Variants in CFHR1 observed in about 807,000 individuals in gnomAD.
CFHR1 encodes the protein complement factor H-related protein 1.
CFHR1 carries 22 observed loss-of-function variants against 30.4 expected under a neutral mutation model. The observed-to-expected ratio is 0.72, with a 90% CI of 0.52 to 1.03. The LOEUF (loss-of-function observed/expected upper bound fraction) is 1.03. Among genes scored for constraint, CFHR1 ranks in the 50% least tolerant of loss-of-function variants. The pLI is 0.00. For synonymous variants in CFHR1, 95 were observed against 129.1 expected (o/e 0.74, Z 1.79); for missense variants, 248 against 380.6 (o/e 0.65, Z 2.90).
Position 196,830,718 on chromosome 1 carries a change from A to T in CFHR1, c.790+36A>T, listed in dbSNP as rs1738733. ...TAATATTCACGTGGCTGGAAAAATC[A>T]GTGTGATGAGTCTGATATTTTGCTG... On this transcript the variant is annotated intron_variant, in intron 5 of 5. Coordinates refer to ENST00000320493, the MANE Select transcript of CFHR1 (RefSeq NM_002113.3). 11,863 of 1,514,762 alleles carry T rather than the reference A, an allele frequency of 7.8e-3. 3,354 individuals are homozygous for T. In the African/African-American group the frequency reaches 0.15, roughly 19 times the overall value. The allele number at this position is 1,514,762 out of a possible 1,614,324, so 93.8% of individuals were successfully genotyped here. A position where few individuals can be genotyped will look rare whatever the true frequency, so the allele number is the denominator to read the frequency against.
In CFHR1 at chr1:196,822,528, A is replaced by T. The variant is rs1460644875; in HGVS notation, c.58+2626A>T. On this transcript the variant is annotated intron_variant, in intron 1 of 5. Coordinates refer to ENST00000320493, the MANE Select transcript of CFHR1 (RefSeq NM_002113.3). ...TTTTACTTATTTATTTACTTTTTAA[A>T]CCTTTTTGTTAAAAACAGACACAAA... 1.5e-5 allele frequency among the ~76,000 whole-genome samples: 2 copies of T among 132,858 alleles called. 1 individual carries two copies. The highest frequency in any genetic ancestry group is 3.1e-5 in the Non-Finnish European group (2 of 63,788). The allele number at this position is 132,858 out of a possible 152,430, so 87.2% of individuals were successfully genotyped here.
intron 5 of CFHR1, 24 bp downstream of exon 5, chr1:196,830,706 G>T (rs746960477): frequency 1.3e-6 from 2 of 1,520,488 alleles, no homozygotes; most frequent in Non-Finnish European, 1.8e-6. Context: ...TATTCACGTG[G>T]CTGGAAAAAT....
chr1:196,824,748 G>GTATATATATATATATATA (rs71131725), intron 1 of CFHR1, among the ~76,000 whole-genome samples: 604 of 54,756 alleles, frequency 0.011, 9 homozygotes, highest in Non-Finnish European at 0.013. Context: ...GGGGCTGACT[G>GTATATATATATATATATA]TATATATATA....
rs1254125170 is a variant in CFHR1 at position 196,823,349 on chromosome 1, C to T, written c.59-2128C>T. ...TACAATATAAATGGTTGATGAAAAC[C>T]AAGTTATTCTGGATAGCAAAGAATA... On this transcript the variant is annotated intron_variant, in intron 1 of 5. Coordinates refer to ENST00000320493, the MANE Select transcript of CFHR1 (RefSeq NM_002113.3). Among the ~76,000 whole-genome samples the T allele has an allele frequency of 3.0e-5, 4 of 133,854 alleles. 2 individuals carry two copies. Among genetic ancestry groups the T allele is most frequent in the African/African-American group, 1.3e-4 (4 of 31,028 alleles). The allele number at this position is 133,854 out of a possible 152,430, so 87.8% of individuals were successfully genotyped here. A position where few individuals can be genotyped will look rare whatever the true frequency, so the allele number is the denominator to read the frequency against.
chr1:196,821,124 C>G (rs1655105756), intron 1 of CFHR1: 1 of 141,228 alleles, frequency 7.1e-6, no homozygotes, highest in Non-Finnish European at 1.5e-5. Context: ...CAGGCATAAG[C>G]CACCACGCCT....
intron 1 of CFHR1, among the ~76,000 whole-genome samples, chr1:196,824,013 A>G (rs1324504042): frequency 2.2e-5 from 2 of 92,898 alleles, no homozygotes; most frequent in East Asian, 5.7e-4. Flanking sequence ...TACACAAAAA[A>G]AGAGTAAAAA....
chr1:196,827,981 T>C, intron 3 of CFHR1, 89 bp from the exon 4 acceptor site: 1 of 1,148,034 alleles, frequency 8.7e-7, no homozygotes, highest in Non-Finnish European at 1.2e-6. Context: ...TTATTTTAAA[T>C]TCGTCTTGAA....
rs533506641 is a variant in CFHR1, at chr1:196,828,369, G to T, written c.607+123G>T. 2.5e-3 allele frequency: 1,944 copies of T among 792,550 alleles called. 183 individuals are homozygous for T. Among genetic ancestry groups the T allele is most frequent in the Non-Finnish European group, 3.0e-3 (1,574 of 528,504 alleles). The allele number at this position is 792,550 out of a possible 1,614,324, so 49.1% of individuals were successfully genotyped here. On this transcript the variant is annotated intron_variant, in intron 4 of 5. Transcript: ENST00000320493. ...TCAAATGCAAATAAAATGATTGATG[G>T]TGCTTAAAATTCAATTCTTCCTGTG... is the stretch of plus-strand genomic sequence containing the variant.
chr1:196,827,699 A>T (rs1376496667), intron 3 of CFHR1, among the ~76,000 whole-genome samples: 1 of 132,754 alleles, frequency 7.5e-6, no homozygotes. Flanking sequence ...TAATCTATTT[A>T]TGCTGACTTT....
In CFHR1 at chr1:196,827,385, T is replaced by TA. The variant is rs1655372244; in HGVS notation, c.430+381dup. Among the ~76,000 whole-genome samples, 3 of 135,756 alleles carry TA rather than the reference T, an allele frequency of 2.2e-5. 1 individual carries two copies. The highest frequency in any genetic ancestry group is 1.6e-5 in the Non-Finnish European group (1 of 64,448). 89.1% of individuals were successfully genotyped at this position (135,756 alleles called of 152,430 possible). On this transcript the variant is annotated intron_variant, in intron 3 of 5. Transcript: ENST00000320493. ...TGTGAGAAGCATTGCTATAGTCTAT[T>TA]ATCACTACACATGGACCTGAAACTC...
intron 5 of CFHR1, 35 bp from the exon 6 acceptor site, chr1:196,831,762 C>T: frequency 6.7e-7 from 1 of 1,489,614 alleles, no homozygotes; most frequent in Non-Finnish European, 9.1e-7. Flanking sequence ...TTGCATACTA[C>T]TTAATGTTTT....
rs554945092 is a variant in CFHR1, at chr1:196,824,975, G to A, written c.59-502G>A. On this transcript the variant is annotated intron_variant, in intron 1 of 5. Coordinates refer to ENST00000320493, the MANE Select transcript of CFHR1 (RefSeq NM_002113.3). ...TTTGTAACCAGAAAATATTCAAAAT[G>A]ATATTAATAAACAAAAAACAAAACT... Among the ~76,000 whole-genome samples, 256 of 127,858 alleles carry A rather than the reference G, an allele frequency of 2.0e-3. 63 individuals are homozygous for A. Among genetic ancestry groups the A allele is most frequent in the African/African-American group, 8.6e-3 (246 of 28,768 alleles). 83.9% of individuals were successfully genotyped at this position (127,858 alleles called of 152,430 possible).
At position 196,828,056 on chromosome 1, in the gene CFHR1, T is replaced by C. The variant is rs771370240; in HGVS notation, c.431-14T>C. 7 of 1,497,544 alleles carry C rather than the reference T, an allele frequency of 4.7e-6. No individual in the cohort carries two copies. In the South Asian group the frequency reaches 5.1e-5, roughly 11 times the overall value. 92.8% of individuals were successfully genotyped at this position (1,497,544 alleles called of 1,614,324 possible). On this transcript the variant is annotated splice_polypyrimidine_tract_variant and intron_variant, in intron 3 of 5. Transcript: ENST00000320493. Reference sequence around the variant, plus strand: ...TGAACACTAGGTGGAACCACTTCTTTTTTTTCTACTCAGACACTTCCTGTG... The same window carrying C: ...TGAACACTAGGTGGAACCACTTCTTCTTTTTCTACTCAGACACTTCCTGTG...
At chr1:196,824,835 TACA>T (rs1221878700) in intron 1 of CFHR1, among the ~76,000 whole-genome samples, 1 of 115,730 alleles carries the variant, frequency 8.6e-6, no homozygotes, top group Non-Finnish European at 1.7e-5. Context: ...AATATACAAA[TACA>T]TATTTGTATA....
intron 1 of CFHR1, among the ~76,000 whole-genome samples, chr1:196,824,000 G>A (rs1299782755): frequency 3.7e-5 from 4 of 108,740 alleles, no homozygotes; most frequent in Non-Finnish European, 7.2e-5. Context: ...ATATATGTAT[G>A]TGTACACAAA....
At position 196,822,435 on chromosome 1, in the gene CFHR1, AC is replaced by A. The variant is rs1655151286; in HGVS notation, c.58+2534del. Among the ~76,000 whole-genome samples the A allele has an allele frequency of 1.7e-5, 2 of 114,914 alleles. 1 individual carries two copies. Among genetic ancestry groups the A allele is most frequent in the African/African-American group, 8.5e-5 (2 of 23,642 alleles). The allele number at this position is 114,914 out of a possible 152,430, so 75.4% of individuals were successfully genotyped here. A position where few individuals can be genotyped will look rare whatever the true frequency, so the allele number is the denominator to read the frequency against. On this transcript the variant is annotated intron_variant, in intron 1 of 5. Coordinates refer to ENST00000320493, the MANE Select transcript of CFHR1 (RefSeq NM_002113.3). ...TTCGAGATAATATTTAGCTTAAAAA[AC>A]ATTGTAGAGATGTACAAAAGATTTT...
At chr1:196,827,133 C>A in intron 3 of CFHR1, 128 bp downstream of exon 3, 1 of 1,027,796 alleles carries the variant, frequency 9.7e-7, no homozygotes, top group Non-Finnish European at 1.4e-6. Flanking sequence ...TTTTCAGTTC[C>A]AATTGTGTCC....
intron 4 of CFHR1, among the ~76,000 whole-genome samples, chr1:196,829,724 AT>A (rs1186338781): frequency 2.2e-5 from 3 of 134,512 alleles, no homozygotes; most frequent in African/African-American, 6.3e-5. Context: ...CTTTCAAGGT[AT>A]TTTTTTCTTT....
chr1:196,830,747 G>A lies in CFHR1; in HGVS notation c.790+65G>A, dbSNP rs1655522867. The A allele has an allele frequency of 2.0e-6, 3 of 1,486,428 alleles. 1 individual carries two copies. The Admixed American group carries it at 5.2e-5, about 26-fold the overall frequency. The allele number at this position is 1,486,428 out of a possible 1,614,324, so 92.1% of individuals were successfully genotyped here. On this transcript the variant is annotated intron_variant, in intron 5 of 5. Coordinates refer to ENST00000320493, the MANE Select transcript of CFHR1 (RefSeq NM_002113.3). ...TGATGAGTCTGATATTTTGCTGTTGGTAACAAAATAATCACAGATTATTGA... is the reference window on the plus strand; with the variant it reads ...TGATGAGTCTGATATTTTGCTGTTGATAACAAAATAATCACAGATTATTGA...
Sources: gnomAD v4.1 joint callset for allele counts (sites outside exome capture counted in the v4.1 genomes callset) on GRCh38, gnomAD v4.1.1 for gene constraint, MANE v1.5 for transcripts, NCBI Gene and HGNC (gene_info 2026-07-23, HGNC 2026-07-21) for gene names.